TENM4: variants seen among roughly 807,000 people sequenced by gnomAD.
TENM4 encodes teneurin-4.
TENM4 carries 82 observed loss-of-function variants against 243.3 expected under a neutral mutation model. The ratio of observed to expected loss-of-function variants is 0.34; its 90% CI spans 0.28 to 0.40. The LOEUF (loss-of-function observed/expected upper bound fraction) is 0.40, where lower values mean the gene tolerates loss of function less well. TENM4 is among the 10% of genes least tolerant of loss of function. TENM4 has a pLI of 1.00. For missense variants in TENM4, 3,138 were observed against 3,673.3 expected, an observed-to-expected ratio of 0.85 and a Z score of 3.77; for synonymous variants, 1,412 against 1,456.3, an observed-to-expected ratio of 0.97 and a Z score of 0.69.
At chr11:79,041,214 C>T (rs1486283698) in intron 6 of TENM4, among the ~76,000 whole-genome samples, 4 of 152,132 alleles carry the variant, frequency 2.6e-5, no homozygotes, top group Non-Finnish European at 5.9e-5. Context: ...CAGGCATCTG[C>T]CACTGCACCT....
chr11:78,778,676 A>G (rs755282349), intron 16 of TENM4, 48 bp from the exon 17 acceptor site: 1 of 1,567,854 alleles, frequency 6.4e-7, no homozygotes, highest in Non-Finnish European at 8.8e-7. Flanking sequence ...CAGTAAGTGC[A>G]ATATCGCCTG....
chr11:79,433,376 T>G (rs1170376509), intron 1 of TENM4, among the ~76,000 whole-genome samples: 1 of 152,112 alleles, frequency 6.6e-6, no homozygotes, highest in Non-Finnish European at 1.5e-5. Context: ...TAACAAGACA[T>G]GGAAACCACT....
At chr11:78,845,130 G>A (rs769543120) in intron 12 of TENM4, among the ~76,000 whole-genome samples, 3 of 152,136 alleles carry the variant, frequency 2.0e-5, no homozygotes, top group Non-Finnish European at 2.9e-5. Flanking sequence ...GTTGGCCCAG[G>A]CCACATTATA....
rs189082558 is a variant in TENM4, at chr11:78,939,561, G to A, written c.494-36038C>T. On this transcript the variant is annotated intron_variant, in intron 6 of 33. Coordinates refer to ENST00000278550, the MANE Select transcript of TENM4 (RefSeq NM_001098816.3). ...ATTTATCCTGAAAGAATTAGCAGAT[G>A]TACCAATTCTTCGCTGCAGCCTTCT... Among the ~76,000 whole-genome samples the A allele has an allele frequency of 1.8e-4, 27 of 152,296 alleles. No individual in the cohort carries two copies. The East Asian group carries it at 5.0e-3, about 28-fold the overall frequency.
intron 29 of TENM4, among the ~76,000 whole-genome samples, chr11:78,685,648 A>T (rs1405866690): frequency 6.6e-6 from 1 of 152,234 alleles, no homozygotes; most frequent in Non-Finnish European, 1.5e-5. Flanking sequence ...GCCCAAATAT[A>T]AGAAAGCCCA....
At chr11:79,403,184 C>A (rs1858496880) in intron 1 of TENM4, among the ~76,000 whole-genome samples, 2 of 152,098 alleles carry the variant, frequency 1.3e-5, no homozygotes, top group South Asian at 2.1e-4. Flanking sequence ...CAGCTCAGAC[C>A]ACTTGGATAA....
At chr11:78,981,299 T>A (rs1857788316) in intron 6 of TENM4, among the ~76,000 whole-genome samples, 1 of 152,230 alleles carries the variant, frequency 6.6e-6, no homozygotes, top group Non-Finnish European at 1.5e-5. Context: ...GAACACTCTA[T>A]GATTCAGAAA....
intron 12 of TENM4, among the ~76,000 whole-genome samples, chr11:78,829,324 G>A (rs930883704): frequency 6.6e-6 from 1 of 152,184 alleles, no homozygotes; most frequent in Non-Finnish European, 1.5e-5. Context: ...TCAGACAGAC[G>A]TGGGTATGAT....
chr11:79,386,696 GAC>G (rs1327494294), intron 1 of TENM4, among the ~76,000 whole-genome samples: 3 of 151,126 alleles, frequency 2.0e-5, no homozygotes, highest in African/African-American at 7.3e-5. Flanking sequence ...ACCATAATGA[GAC>G]ACAACCATAC....
chr11:78,748,342 T>G (rs994860448), intron 19 of TENM4, among the ~76,000 whole-genome samples: 3 of 152,108 alleles, frequency 2.0e-5, no homozygotes, highest in Non-Finnish European at 4.4e-5. Context: ...ACAGAAAGAT[T>G]AAGAGACTTG....
chr11:79,340,337 A>T (rs1196389593), intron 1 of TENM4, among the ~76,000 whole-genome samples: 1 of 152,018 alleles, frequency 6.6e-6, no homozygotes, highest in Non-Finnish European at 1.5e-5. Context: ...GGGAGTCTGG[A>T]GGGCCCTTCT....
intron 4 of TENM4, among the ~76,000 whole-genome samples, chr11:79,132,186 CAAA>C (rs552066939): frequency 6.9e-6 from 1 of 145,332 alleles, no homozygotes. Context: ...ACTAAAAATA[CAAA>C]AAAAAAATGA....
At chr11:79,020,658 G>A (rs1858902770) in intron 6 of TENM4, among the ~76,000 whole-genome samples, 4 of 151,618 alleles carry the variant, frequency 2.6e-5, no homozygotes, top group Admixed American at 2.0e-4. Context: ...TTTTGACTCT[G>A]TTGTCTACTG....
At chr11:78,843,225 C>A (rs1858303879) in intron 12 of TENM4, among the ~76,000 whole-genome samples, 2 of 152,212 alleles carry the variant, frequency 1.3e-5, no homozygotes, top group Non-Finnish European at 2.9e-5. Context: ...TTGCAGTGAA[C>A]TGAGATTGCA....
intron 2 of TENM4, among the ~76,000 whole-genome samples, chr11:79,251,528 CTT>C (rs1345328517): frequency 6.6e-6 from 1 of 152,196 alleles, no homozygotes; most frequent in African/African-American, 2.4e-5. Flanking sequence ...TGTAGGGTCA[CTT>C]TTATCACCTT....
chr11:79,376,457 T>A (rs1174473453), intron 1 of TENM4, among the ~76,000 whole-genome samples: 2 of 152,224 alleles, frequency 1.3e-5, no homozygotes, highest in Non-Finnish European at 2.9e-5. Flanking sequence ...GCCTCACTCC[T>A]ACTTATCTTA....
chr11:79,000,316 A>G (rs1407223868), intron 6 of TENM4, among the ~76,000 whole-genome samples: 1 of 152,238 alleles, frequency 6.6e-6, no homozygotes, highest in Non-Finnish European at 1.5e-5. Context: ...GAAAAGCATC[A>G]GAAATGGAAA....
At chr11:78,822,640 A>C (rs1025231727) in intron 12 of TENM4, among the ~76,000 whole-genome samples, 2 of 152,194 alleles carry the variant, frequency 1.3e-5, no homozygotes, top group African/African-American at 2.4e-5. Context: ...TCTAGATGAC[A>C]GGTTGATAGG....
chr11:79,084,785 G>A (rs72933139), intron 4 of TENM4, among the ~76,000 whole-genome samples: 30,990 of 146,746 alleles, frequency 0.21, 3,374 homozygotes, highest in East Asian at 0.25. Context: ...GGAAATGTTC[G>A]TTGTCTTGAC....
Sources: gnomAD v4.1 joint callset for allele counts (sites outside exome capture counted in the v4.1 genomes callset) on GRCh38, gnomAD v4.1.1 for gene constraint, MANE v1.5 for transcripts, NCBI Gene and HGNC (gene_info 2026-07-23, HGNC 2026-07-21) for gene names.